The following NKAIN3 variants were observed in gnomAD, a reference collection of about 807,000 sequenced individuals.
The protein encoded by NKAIN3 is sodium/potassium transporting ATPase interacting 3.
A neutral mutation model predicts 30.2 loss-of-function variants in NKAIN3; 25 were observed. That is an observed-to-expected ratio of 0.83 (90% confidence interval 0.60 to 1.16). The LOEUF (loss-of-function observed/expected upper bound fraction) is 1.16. NKAIN3 is among the 50% of genes most tolerant of loss of function. NKAIN3 has a pLI of 0.00. For synonymous variants in NKAIN3, 91 were observed against 89.6 expected (o/e 1.02, Z -0.09); for missense variants, 225 against 254.1 (o/e 0.89, Z 0.78).
chr8:62,938,430 A>G (rs1354983474), intron 5 of NKAIN3, among the ~76,000 whole-genome samples: 3 of 152,136 alleles, frequency 2.0e-5, no homozygotes, highest in African/African-American at 7.2e-5. Context: ...TACTGCCAGC[A>G]CAACCAGCAT....
chr8:62,920,091 G>A (rs1214801519), intron 5 of NKAIN3, among the ~76,000 whole-genome samples: 1 of 152,108 alleles, frequency 6.6e-6, no homozygotes, highest in Non-Finnish European at 1.5e-5. Context: ...CCAACCCAGA[G>A]CTAAGACAGG....
At chr8:62,770,086 C>A (rs889850393) in intron 4 of NKAIN3, among the ~76,000 whole-genome samples, 1 of 152,102 alleles carries the variant, frequency 6.6e-6, no homozygotes, top group Non-Finnish European at 1.5e-5. Context: ...GGCAAAAGTG[C>A]TAGGATGTTA....
Position 62,984,546 on chromosome 8 carries a change from C to CAG in NKAIN3, c.*19140_*19141insGA, listed in dbSNP as rs1824163347. The CAG allele has an allele frequency of 6.6e-6, 1 of 152,168 alleles. No homozygotes were observed. The highest frequency in any genetic ancestry group is 6.5e-5 in the Admixed American group (1 of 15,282). 9.4% of individuals were successfully genotyped at this position (152,168 alleles called of 1,614,324 possible). A position where few individuals can be genotyped will look rare whatever the true frequency, so the allele number is the denominator to read the frequency against. On this transcript the variant is annotated 3_prime_UTR_variant, in exon 7 of 7. Coordinates refer to ENST00000623646, the MANE Select transcript of NKAIN3 (RefSeq NM_001304533.3). The stretch of plus-strand genomic sequence containing the variant: ...GTCCCATAACACTGTGTAGTGACTT[C>CAG]ACTGTATATTAACTTCTTTTCTACA...
intron 3 of NKAIN3, among the ~76,000 whole-genome samples, chr8:62,608,541 T>C (rs185230760): frequency 1.3e-5 from 2 of 152,290 alleles, no homozygotes; most frequent in African/African-American, 4.8e-5. Context: ...CAAACGATAC[T>C]CTTGCCACTC....
chr8:62,586,551 T>C (rs2130091091), intron 2 of NKAIN3, among the ~76,000 whole-genome samples: 1 of 152,262 alleles, frequency 6.6e-6, no homozygotes, highest in Non-Finnish European at 1.5e-5. Flanking sequence ...ATTTTTATTA[T>C]AAGTCTAGCA....
chr8:62,447,751 TC>T (rs965581594), intron 1 of NKAIN3, among the ~76,000 whole-genome samples: 10 of 151,918 alleles, frequency 6.6e-5, no homozygotes, highest in African/African-American at 2.4e-4. Context: ...GCAAATTAGA[TC>T]CCCCCTTCCT....
At chr8:62,473,696 T>C (rs1403182237) in intron 1 of NKAIN3, among the ~76,000 whole-genome samples, 1 of 152,180 alleles carries the variant, frequency 6.6e-6, no homozygotes, top group African/African-American at 2.4e-5. Flanking sequence ...TTTCTCCTGG[T>C]ACTTGTCTGC....
chr8:62,945,502 T>C (rs547226130), intron 5 of NKAIN3, among the ~76,000 whole-genome samples: 114 of 152,286 alleles, frequency 7.5e-4, no homozygotes, highest in African/African-American at 2.6e-3. Context: ...ATGCACCAAG[T>C]TAAGGTTCCA....
rs765642331 is a variant in NKAIN3 at position 62,974,520 on chromosome 8, C to T, written c.*9113C>T. Among the ~76,000 whole-genome samples the T allele has an allele frequency of 3.3e-5, 5 of 152,098 alleles. No individual in the cohort carries two copies. The highest frequency in any genetic ancestry group is 2.1e-4 in the South Asian group (1 of 4,820). On this transcript the variant is annotated 3_prime_UTR_variant, in exon 7 of 7. Transcript: ENST00000623646. ...TTTTGCACATTGATTTTGTATCCTG[C>T]AACTTTGCTGAAATTGCTTATCTCT...
intron 1 of NKAIN3, among the ~76,000 whole-genome samples, chr8:62,437,560 T>C (rs528552120): frequency 6.6e-6 from 1 of 152,302 alleles, no homozygotes; most frequent in African/African-American, 2.4e-5. Flanking sequence ...AGTCCTCCTG[T>C]CTTGCCATGC....
chr8:62,560,841 T>C (rs1809552299), intron 1 of NKAIN3, among the ~76,000 whole-genome samples: 1 of 152,102 alleles, frequency 6.6e-6, no homozygotes, highest in Non-Finnish European at 1.5e-5. Flanking sequence ...ACGGAATCTT[T>C]TCTCTCTCCT....
chr8:62,258,341 G>C (rs1812323482), intron 1 of NKAIN3, among the ~76,000 whole-genome samples: 1 of 152,138 alleles, frequency 6.6e-6, no homozygotes, highest in African/African-American at 2.4e-5. Flanking sequence ...AAGATGAAAT[G>C]CCTCTTGCTT....
At chr8:62,831,760 C>G (rs1375823046) in intron 4 of NKAIN3, among the ~76,000 whole-genome samples, 2 of 151,974 alleles carry the variant, frequency 1.3e-5, no homozygotes, top group Non-Finnish European at 2.9e-5. Context: ...TATTAGAATT[C>G]CTGAGAGAGG....
chr8:62,719,818 G>C (rs1007916124), intron 3 of NKAIN3, among the ~76,000 whole-genome samples: 4 of 143,698 alleles, frequency 2.8e-5, no homozygotes, highest in Non-Finnish European at 6.0e-5. Context: ...GTGCAGCGGC[G>C]CGATCTCGGT....
chr8:62,297,779 T>C (rs1387929745), intron 1 of NKAIN3, among the ~76,000 whole-genome samples: 5 of 152,166 alleles, frequency 3.3e-5, no homozygotes, highest in African/African-American at 1.2e-4. Context: ...TCCTCAGGGA[T>C]CTAGAACTAG....
At chr8:62,735,262 A>T (rs1815609821) in intron 3 of NKAIN3, among the ~76,000 whole-genome samples, 2 of 152,154 alleles carry the variant, frequency 1.3e-5, no homozygotes, top group South Asian at 4.1e-4. Context: ...GTTAGTTAAC[A>T]TAATCCCAAA....
At chr8:62,499,274 T>G (rs1807341360) in intron 1 of NKAIN3, among the ~76,000 whole-genome samples, 2 of 152,002 alleles carry the variant, frequency 1.3e-5, no homozygotes, top group African/African-American at 4.8e-5. Context: ...CTTTCTGTTC[T>G]TTTTGCTGCC....
At chr8:62,301,084 T>G (rs1326169447) in intron 1 of NKAIN3, among the ~76,000 whole-genome samples, 1 of 152,070 alleles carries the variant, frequency 6.6e-6, no homozygotes, top group African/African-American at 2.4e-5. Flanking sequence ...TTTGGATATA[T>G]TAAATGTAGT....
chr8:62,906,885 A>G (rs1241133083), intron 4 of NKAIN3, among the ~76,000 whole-genome samples: 3 of 152,186 alleles, frequency 2.0e-5, no homozygotes, highest in Admixed American at 6.5e-5. Flanking sequence ...AATTGGTGCC[A>G]GGAGTGGAGT....
Sources: allele counts gnomAD v4.1 joint callset (sites outside exome capture counted in the v4.1 genomes callset), GRCh38; gene constraint gnomAD v4.1.1; transcripts MANE v1.5; gene names NCBI Gene and HGNC (gene_info 2026-07-23, HGNC 2026-07-21).